The following DLGAP2 variants were observed in gnomAD, a reference collection of about 807,000 sequenced individuals.
The protein encoded by DLGAP2 is DLG associated protein 2, also known as disks large-associated protein 2.
Under a neutral mutation model 100.3 loss-of-function variants are expected in DLGAP2, and 26 were observed. The ratio of observed to expected loss-of-function variants is 0.26; its 90% CI spans 0.19 to 0.36. DLGAP2 has a LOEUF of 0.36. Among genes scored for constraint, DLGAP2 ranks in the 10% least tolerant of loss-of-function variants. DLGAP2 has a pLI of 1.00. For synonymous variants in DLGAP2, 886 were observed against 630.1 expected, an observed-to-expected ratio of 1.41 and a Z score of -6.08; for missense variants, 1,858 against 1,453.2, an observed-to-expected ratio of 1.28 and a Z score of -4.53.
At position 1,701,336 on chromosome 8, in the gene DLGAP2, G is replaced by T; in HGVS notation, c.3098G>T (p.Arg1033Leu). Residue 1033 changes from arginine to leucine, a missense_variant, in exon 15 of 15, where the codon CGG becomes CTG. Arg to Leu is a moderately radical substitution (Grantham distance 102). Transcript: ENST00000637795. ...GCCGCCAAGCGAGCGGCGTCCTTCC[G>T]GCAGAATTCCGCCTCCGAGCGCGCG... ...LMAAKRAASF[R>L]QNSASERADS... 1.3e-6 allele frequency: 2 copies of T among 1,593,472 alleles called. No homozygotes were observed. The highest frequency in any genetic ancestry group is 1.3e-5 in the African/African-American group (1 of 74,544).
chr8:1,278,500 T>C (rs1214868923), intron 3 of DLGAP2, among the ~76,000 whole-genome samples: 3 of 152,228 alleles, frequency 2.0e-5, no homozygotes, highest in African/African-American at 7.2e-5. Flanking sequence ...AACAACTGCA[T>C]ATCATTCTGT....
chr8:1,290,675 T>C (rs1034386506), intron 3 of DLGAP2, among the ~76,000 whole-genome samples: 1 of 152,218 alleles, frequency 6.6e-6, no homozygotes, highest in Non-Finnish European at 1.5e-5. Context: ...TCCCATCCAC[T>C]TTCCTGTGTT....
At chr8:957,855 T>C (rs1232892192) in intron 2 of DLGAP2, among the ~76,000 whole-genome samples, 1 of 151,408 alleles carries the variant, frequency 6.6e-6, no homozygotes, top group Non-Finnish European at 1.5e-5. Flanking sequence ...GGGAAAAATA[T>C]TTTAAAAATA....
At chr8:1,507,597 C>G (rs1419126200) in intron 4 of DLGAP2, among the ~76,000 whole-genome samples, 1 of 152,184 alleles carries the variant, frequency 6.6e-6, no homozygotes, top group African/African-American at 2.4e-5. Context: ...TCAAGTGCGG[C>G]CGGAGTGGGC....
chr8:1,488,792 C>T (rs1184663533), intron 3 of DLGAP2, among the ~76,000 whole-genome samples: 1 of 152,190 alleles, frequency 6.6e-6, no homozygotes, highest in Non-Finnish European at 1.5e-5. Context: ...TCCTCTCAGG[C>T]AGCTGCAGTC....
chr8:1,618,757 G>A (rs1050030274), intron 6 of DLGAP2, among the ~76,000 whole-genome samples: 1 of 152,072 alleles, frequency 6.6e-6, no homozygotes, highest in African/African-American at 2.4e-5. Flanking sequence ...CTCATTGGGG[G>A]GATCTCCGTG....
intron 3 of DLGAP2, among the ~76,000 whole-genome samples, chr8:1,262,900 G>A (rs1799380370): frequency 6.6e-6 from 1 of 151,806 alleles, no homozygotes; most frequent in African/African-American, 2.4e-5. Context: ...TCATGGATTT[G>A]TCTGTTGGTT....
At chr8:1,644,917 C>T (rs528032373) in intron 8 of DLGAP2, among the ~76,000 whole-genome samples, 1 of 152,212 alleles carries the variant, frequency 6.6e-6, no homozygotes, top group African/African-American at 2.4e-5. Context: ...CTTTTGCTCT[C>T]TTAGGGAAAA....
intron 3 of DLGAP2, among the ~76,000 whole-genome samples, chr8:1,305,186 T>A (rs570621058): frequency 6.6e-6 from 1 of 152,306 alleles, no homozygotes; most frequent in East Asian, 1.9e-4. Context: ...ACTTCTTGAC[T>A]CTTAGTTTAG....
At position 1,137,125 on chromosome 8, in the gene DLGAP2, C is replaced by A. The variant is rs181980618; in HGVS notation, c.74-121726C>A. On this transcript the variant is annotated intron_variant, in intron 2 of 14. Coordinates refer to ENST00000637795, the MANE Select transcript of DLGAP2 (RefSeq NM_001346810.2). ...GTTGGTTTCTCCTGAGGCCTCTCTTCCCAGCTTGCAGCGTGGCCTCCTCCT... is the reference window on the plus strand; with the variant it reads ...GTTGGTTTCTCCTGAGGCCTCTCTTACCAGCTTGCAGCGTGGCCTCCTCCT... 2.5e-3 allele frequency among the ~76,000 whole-genome samples: 379 copies of A among 152,316 alleles called. 8 individuals carry two copies. In the South Asian group the frequency reaches 0.034, roughly 14 times the overall value.
intron 1 of DLGAP2, among the ~76,000 whole-genome samples, chr8:832,397 G>A (rs1349336422): frequency 6.6e-6 from 1 of 152,164 alleles, no homozygotes. Flanking sequence ...TATATAAGGT[G>A]TAAGGAAGTG....
intron 2 of DLGAP2, among the ~76,000 whole-genome samples, chr8:1,097,173 G>C (rs113930652): frequency 9.7e-4 from 93 of 95,452 alleles, no homozygotes; most frequent in South Asian, 2.2e-3. Flanking sequence ...GTGAGACCCA[G>C]CTCCCTCTGC....
At chr8:1,024,795 G>A (rs945679565) in intron 2 of DLGAP2, among the ~76,000 whole-genome samples, 12 of 152,172 alleles carry the variant, frequency 7.9e-5, no homozygotes, top group African/African-American at 2.7e-4. Context: ...TGTGGGACAC[G>A]CGTGAGGGGC....
intron 2 of DLGAP2, among the ~76,000 whole-genome samples, chr8:1,101,912 G>C (rs1185284582): frequency 6.6e-6 from 1 of 151,968 alleles, no homozygotes; most frequent in Non-Finnish European, 1.5e-5. Context: ...ATGATGGGAA[G>C]GTCCTTGTCA....
intron 3 of DLGAP2, among the ~76,000 whole-genome samples, chr8:1,335,436 C>T (rs1175179054): frequency 6.6e-6 from 1 of 152,156 alleles, no homozygotes; most frequent in Non-Finnish European, 1.5e-5. Context: ...ATGCTGTGTC[C>T]AGAGACCCAA....
intron 4 of DLGAP2, among the ~76,000 whole-genome samples, chr8:1,522,755 C>T (rs13268384): frequency 0.68 from 103,119 of 152,016 alleles, 35,344 homozygotes; most frequent in South Asian, 0.82. Context: ...TTTCAAATTA[C>T]ACGCGCCAAG....
chr8:1,501,512 C>T (rs570351811), intron 4 of DLGAP2, 81 bp downstream of exon 4: 7 of 1,359,328 alleles, frequency 5.1e-6, no homozygotes, highest in Admixed American at 2.2e-5. Context: ...TCATGCGGAC[C>T]GTCCCACAAA....
intron 2 of DLGAP2, among the ~76,000 whole-genome samples, chr8:953,372 T>C (rs2129008274): frequency 6.6e-6 from 1 of 152,224 alleles, no homozygotes; most frequent in East Asian, 1.9e-4. Flanking sequence ...TTTTGTATTT[T>C]TAGCAGAGAC....
intron 2 of DLGAP2, among the ~76,000 whole-genome samples, chr8:978,652 G>C (rs1300390436): frequency 6.6e-6 from 1 of 151,368 alleles, no homozygotes; most frequent in African/African-American, 2.4e-5. Flanking sequence ...GTGAGAGGGT[G>C]GGTTCTGGTC....
Sources: gnomAD v4.1 joint callset for allele counts (sites outside exome capture counted in the v4.1 genomes callset) on GRCh38, gnomAD v4.1.1 for gene constraint, MANE v1.5 for transcripts, NCBI Gene and HGNC (gene_info 2026-07-23, HGNC 2026-07-21) for gene names.